Variants in IDO1 observed in about 807,000 individuals in gnomAD.
IDO1 encodes indoleamine 2,3-dioxygenase 1, also known as indolamine 2,3 dioxygenase.
A neutral mutation model predicts 38.8 loss-of-function variants in IDO1; 35 were observed. The observed-to-expected ratio is 0.90, with a 90% CI of 0.69 to 1.20. IDO1 has a LOEUF of 1.20. Ranked by LOEUF, IDO1 falls within the 50% of genes most tolerant of loss-of-function variation. IDO1 has a pLI of 0.00. For missense variants in IDO1, 509 were observed against 485.1 expected (o/e 1.05, Z -0.46); for synonymous variants, 171 against 170.0 (o/e 1.01, Z -0.05).
In IDO1 at chr8:39,928,045, G is replaced by T. The variant is rs370251807; in HGVS notation, c.1072G>T (p.Ala358Ser). Reference protein sequence around the residue: ...QIVTKYILIPASQQPKENKTS... With the variant: ...QIVTKYILIPSSQQPKENKTS... ...CGTGACTAAGTACATCCTGATTCCT[G>T]CAAGCCAGCAGCCAAAGGAGAATAA... is the stretch of plus-strand genomic sequence containing the variant. The change falls in exon 10 of 10, where the codon GCA (alanine) becomes TCA (serine). Residue 358 changes from alanine (A) to serine (S), a missense_variant. By Grantham distance (99) the Ala-to-Ser change is moderately conservative. Coordinates refer to ENST00000518237, the MANE Select transcript of IDO1 (RefSeq NM_002164.6). 3 of 1,609,294 alleles carry T rather than the reference G, an allele frequency of 1.9e-6. No individual in the cohort carries two copies. The highest frequency in any genetic ancestry group is 2.2e-5 in the East Asian group (1 of 44,826).
chr8:39,928,163 A>C lies in IDO1; in HGVS notation c.1190A>C (p.Lys397Thr), dbSNP rs377702129. Residue 397 changes from lysine to threonine, a missense_variant, in exon 10 of 10, where the codon AAA becomes ACA. By Grantham distance (78) the Lys-to-Thr change is moderately conservative. Transcript: ENST00000518237. ...AAGACTGTAAGAAGTACAACTGAGA[A>C]ATCCCTTTTGAAGGAAGGTTAATGT... The part of the protein sequence containing the change: ...FLKTVRSTTE[K>T]SLLKEG 6.2e-7 allele frequency: 1 copy of C among 1,611,064 alleles called. No homozygotes were observed. Among genetic ancestry groups the C allele is most frequent in the African/African-American group, 1.3e-5 (1 of 74,800 alleles).
At chr8:39,917,278 C>T (rs1489572010) in intron 1 of IDO1, among the ~76,000 whole-genome samples, 1 of 151,902 alleles carries the variant, frequency 6.6e-6, no homozygotes, top group Non-Finnish European at 1.5e-5. Context: ...GGCAGATCAC[C>T]TGAGGTTAGG....
chr8:39,913,929 C>T lies in IDO1; in HGVS notation c.7C>T (p.His3Tyr). 6.4e-7 allele frequency: 1 copy of T among 1,567,814 alleles called. No individual in the cohort carries two copies. The highest frequency in any genetic ancestry group is 8.6e-7 in the Non-Finnish European group (1 of 1,156,128). The stretch of plus-strand genomic sequence containing the variant: ...AGAGGAGCAGACTACAAGAATGGCA[C>T]ACGCTATGGAAAACTCCTGGACAAT... MA[H>Y]AMENSWTISK... Residue 3 changes from histidine to tyrosine, a missense_variant, in exon 1 of 10, where the codon CAC becomes TAC. Physicochemically the swap from His to Tyr is moderately conservative, Grantham distance 83 (BLOSUM62 2). Transcript: ENST00000518237.
intron 9 of IDO1, among the ~76,000 whole-genome samples, chr8:39,926,613 G>C (rs927992941): frequency 2.0e-5 from 3 of 152,148 alleles, no homozygotes; most frequent in African/African-American, 4.8e-5. Context: ...CAGTCAAAGG[G>C]GAAAGCATCG....
chr8:39,923,454 G>A lies in IDO1; in HGVS notation c.538-15G>A, dbSNP rs1432326484. ...AGAAAACCTTAAATGTTTGTGTTTT[G>A]TTTGTTTGTTTTAGGTAATTCCTAC... On this transcript the variant is annotated splice_polypyrimidine_tract_variant and intron_variant, in intron 6 of 9. Coordinates refer to ENST00000518237, the MANE Select transcript of IDO1 (RefSeq NM_002164.6). The A allele has an allele frequency of 2.3e-6, 3 of 1,323,928 alleles. No individual in the cohort carries two copies. Among genetic ancestry groups the A allele is most frequent in the Admixed American group, 3.6e-5 (2 of 56,240 alleles). 82.0% of individuals were successfully genotyped at this position (1,323,928 alleles called of 1,614,324 possible). A position where few individuals can be genotyped will look rare whatever the true frequency, so the allele number is the denominator to read the frequency against.
At chr8:39,924,839 T>C (rs1227103255) in intron 8 of IDO1, 67 bp downstream of exon 8, 1 of 1,190,476 alleles carries the variant, frequency 8.4e-7, no homozygotes, top group Non-Finnish European at 1.2e-6. Context: ...ATTCTCTTGG[T>C]TGGTCCCTAA....
chr8:39,925,244 A>G lies in IDO1; in HGVS notation c.729A>G (p.Leu243=), dbSNP rs1364224996. 1.9e-6 allele frequency: 3 copies of G among 1,602,292 alleles called. No individual in the cohort carries two copies. Among genetic ancestry groups the G allele is most frequent in the Non-Finnish European group, 2.6e-6 (3 of 1,174,952 alleles). ...ATAGCTGGAAAGGCAACCCCCAGCT[A>G]TCAGACGGTCTGGTGTATGAAGGGT... ...YLSGWKGNPQ[L]SDGLVYEGFW... is the part of the protein sequence containing the mutation. The change falls in exon 9 of 10, where the codon CTA becomes CTG. Residue 243 remains leucine, a synonymous_variant. Transcript: ENST00000518237.
intron 1 of IDO1, among the ~76,000 whole-genome samples, chr8:39,917,423 G>C (rs1387284989): frequency 1.3e-5 from 2 of 152,180 alleles, no homozygotes; most frequent in Admixed American, 6.5e-5. Context: ...TTGAACCCAG[G>C]AGACAGAAGT....
Position 39,922,797 on chromosome 8 carries a change from T to C in IDO1, c.537+146T>C. 4.6e-6 allele frequency: 3 copies of C among 647,144 alleles called. No homozygotes were observed. In the Admixed American group the frequency reaches 8.0e-5, roughly 17 times the overall value. The allele number at this position is 647,144 out of a possible 1,614,324, so 40.1% of individuals were successfully genotyped here. A position where few individuals can be genotyped will look rare whatever the true frequency, so the allele number is the denominator to read the frequency against. On this transcript the variant is annotated intron_variant, in intron 6 of 9. Coordinates refer to ENST00000518237, the MANE Select transcript of IDO1 (RefSeq NM_002164.6). ...ATTTAATTGGGGGTAAAGGATCAAT[T>C]ATTTATTTTTGTGTATTACCTAAAA... is the stretch of plus-strand genomic sequence containing the variant.
At chr8:39,921,069 T>C (rs1418770563) in intron 5 of IDO1, among the ~76,000 whole-genome samples, 4 of 152,214 alleles carry the variant, frequency 2.6e-5, no homozygotes, top group African/African-American at 7.2e-5. Flanking sequence ...AGAGTATTCA[T>C]AGCGGAAGAA....
intron 7 of IDO1, chr8:39,923,875 C>T (rs761260619): frequency 3.0e-5 from 6 of 201,422 alleles, no homozygotes; most frequent in Non-Finnish European, 5.9e-5. Context: ...TTCCTTGCCT[C>T]CCGCTAAAAA....
In IDO1 at chr8:39,928,581, A is replaced by T. The variant is rs1807404065; in HGVS notation, c.*396A>T. ...ACCCCGTCTCTACTAAAAATACAAAAAATTAGCCGGGCGCGGTGGCGGGCA... is the reference window on the plus strand; with the variant it reads ...ACCCCGTCTCTACTAAAAATACAAATAATTAGCCGGGCGCGGTGGCGGGCA... On this transcript the variant is annotated 3_prime_UTR_variant, in exon 10 of 10. Coordinates refer to ENST00000518237, the MANE Select transcript of IDO1 (RefSeq NM_002164.6). The T allele has an allele frequency of 6.4e-6, 1 of 155,312 alleles. No homozygotes were observed. Among genetic ancestry groups the T allele is most frequent in the African/African-American group, 2.4e-5 (1 of 41,314 alleles). 9.6% of individuals were successfully genotyped at this position (155,312 alleles called of 1,614,324 possible). A position where few individuals can be genotyped will look rare whatever the true frequency, so the allele number is the denominator to read the frequency against.
chr8:39,920,311 ATAT>A (rs1807253002), intron 5 of IDO1, among the ~76,000 whole-genome samples, 197 bp downstream of exon 5: 1 of 152,212 alleles, frequency 6.6e-6, no homozygotes, highest in African/African-American at 2.4e-5. Flanking sequence ...TGTCTATCTG[ATAT>A]TATAGCTATA....
At chr8:39,925,582 A>C (rs1807347253) in intron 9 of IDO1, among the ~76,000 whole-genome samples, 1 of 152,196 alleles carries the variant, frequency 6.6e-6, no homozygotes, top group African/African-American at 2.4e-5. Context: ...CTTGTGAACC[A>C]GCTAGAAAGT....
rs754695754 is a variant in IDO1, at chr8:39,918,056, T to G, written c.184-32T>G. The G allele has an allele frequency of 5.0e-6, 8 of 1,613,536 alleles. No individual in the cohort carries two copies. The South Asian group carries it at 7.7e-5, about 16-fold the overall frequency. On this transcript the variant is annotated intron_variant, in intron 2 of 9. Transcript: ENST00000518237. ...TTGAAGCATAAAACATTACTGAGAT[T>G]GATTTGAGTCAATTGCTCCATTTGT... is the stretch of plus-strand genomic sequence containing the variant.
chr8:39,918,393 T>A (rs1397967729), intron 3 of IDO1, 186 bp downstream of exon 3: 4 of 584,370 alleles, frequency 6.8e-6, no homozygotes, highest in Non-Finnish European at 1.2e-5. Context: ...ATATTTTTAG[T>A]CTTTTACTTC....
chr8:39,917,765 G>A, intron 1 of IDO1, 110 bp from the exon 2 acceptor site: 1 of 699,794 alleles, frequency 1.4e-6, no homozygotes, highest in South Asian at 1.8e-5. Flanking sequence ...TAAGCCATAT[G>A]CCAGGGCAAC....
chr8:39,927,841 C>G lies in IDO1; in HGVS notation c.868C>G (p.Gln290Glu). Residue 290 changes from glutamine to glutamate, a missense_variant, in exon 10 of 10, where the codon CAG (glutamine) becomes GAG (glutamate). By Grantham distance (29) the Gln-to-Glu change is conservative. Coordinates refer to ENST00000518237, the MANE Select transcript of IDO1 (RefSeq NM_002164.6). ...TCTTTTTCCTATAGGACATGCTGCT[C>G]AGTTCCTCCAGGACATGAGAAGATA... Reference protein sequence around the residue: ...QQTAGGGHAAQFLQDMRRYMP... With the variant: ...QQTAGGGHAAEFLQDMRRYMP... 1 of 1,535,120 alleles carries G rather than the reference C, an allele frequency of 6.5e-7. No homozygotes were observed. Among genetic ancestry groups the G allele is most frequent in the Non-Finnish European group, 8.8e-7 (1 of 1,142,724 alleles).
intron 1 of IDO1, among the ~76,000 whole-genome samples, chr8:39,917,609 A>G (rs1324233466): frequency 6.6e-6 from 1 of 152,264 alleles, no homozygotes; most frequent in African/African-American, 2.4e-5. Context: ...TAGAGTAGTC[A>G]GGAGGATTTT....
Sources: allele counts gnomAD v4.1 joint callset (sites outside exome capture counted in the v4.1 genomes callset), GRCh38; gene constraint gnomAD v4.1.1; transcripts MANE v1.5; gene names NCBI Gene and HGNC (gene_info 2026-07-23, HGNC 2026-07-21).